The following CDKN2A variants were observed in gnomAD, a reference collection of about 807,000 sequenced individuals.
CDKN2A encodes cyclin dependent kinase inhibitor 2A.
CDKN2A carries 3 observed loss-of-function variants against 11.1 expected under a neutral mutation model. The observed-to-expected ratio is 0.27, with a 90% CI of 0.12 to 0.70. CDKN2A has a LOEUF of 0.70. Among genes scored for constraint, CDKN2A ranks in the 30% least tolerant of loss-of-function variants. The pLI is 0.77. For synonymous variants in CDKN2A, 122 were observed against 108.1 expected, an observed-to-expected ratio of 1.13 and a Z score of -0.80; for missense variants, 265 against 233.6, an observed-to-expected ratio of 1.13 and a Z score of -0.88.
At chr9:21,993,490 A>T (rs1161218697) in intron 2 of CDKN2A, among the ~76,000 whole-genome samples, 1 of 152,072 alleles carries the variant, frequency 6.6e-6, no homozygotes, top group African/African-American at 2.4e-5. Flanking sequence ...AGTTTCAATC[A>T]CTCAGGCCGC....
rs755797513 is a variant in CDKN2A at position 21,971,224 on chromosome 9, G to A, written c.151-16C>T. On this transcript the variant is annotated splice_polypyrimidine_tract_variant and intron_variant, in intron 1 of 2. Coordinates refer to ENST00000304494, the MANE Select transcript of CDKN2A (RefSeq NM_000077.5). ...TCATCATGACCTGCCAGAGAGAACAGAATGGTCAGAGCCAGGGTGGGGGCC... is the reference window on the plus strand; with the variant it reads ...TCATCATGACCTGCCAGAGAGAACAAAATGGTCAGAGCCAGGGTGGGGGCC... The A allele has an allele frequency of 6.3e-7, 1 of 1,594,930 alleles. No homozygotes were observed. Among genetic ancestry groups the A allele is most frequent in the South Asian group, 1.1e-5 (1 of 90,446 alleles).
upstream of CDKN2A, among the ~76,000 whole-genome samples, chr9:21,976,020 C>T (rs1472482184): frequency 2.0e-5 from 3 of 152,154 alleles, no homozygotes; most frequent in South Asian, 4.2e-4. Context: ...TAAGCTAATA[C>T]CTGTTAGCTC....
In CDKN2A at chr9:21,968,153, C is replaced by T. The variant is rs181022755; in HGVS notation, c.*76G>A. On this transcript the variant is annotated 3_prime_UTR_variant, in exon 3 of 3. Coordinates refer to ENST00000304494, the MANE Select transcript of CDKN2A (RefSeq NM_000077.5). This position sits in a 1 kb window ranked among gnomAD's most constrained non-coding sequence, Gnocchi z 4.7. ...AAAGCGGGGTGGGTTGTGGCGGGGG[C>T]AGTTGTGGCCCTGTAGGACCTTCGG... The T allele has an allele frequency of 1.3e-4, 158 of 1,216,412 alleles. 1 individual carries two copies. The South Asian group carries it at 1.9e-3, about 15-fold the overall frequency. The allele number at this position is 1,216,412 out of a possible 1,614,324, so 75.4% of individuals were successfully genotyped here.
intron 1 of CDKN2A, among the ~76,000 whole-genome samples, chr9:21,971,789 C>A (rs1423768936): frequency 6.6e-6 from 1 of 151,774 alleles, no homozygotes; most frequent in Non-Finnish European, 1.5e-5. Flanking sequence ...TTATGTGGTA[C>A]AATATGAAGT....
chr9:21,970,918 G>T lies in CDKN2A; in HGVS notation c.441C>A (p.Ala147=), dbSNP rs1057524065. The stretch of plus-strand genomic sequence containing the variant: ...AGTCCTCACCTGAGGGACCTTCCGC[G>T]GCATCTATGCGGGCATGGTTACTGC... ...TRGSNHARID[A]AEGPSDIPD Residue 147 remains alanine, a synonymous_variant, in exon 2 of 3, where the codon GCC becomes GCA. Transcript: ENST00000304494. 2.5e-6 allele frequency: 4 copies of T among 1,612,242 alleles called. No individual in the cohort carries two copies. Among genetic ancestry groups the T allele is most frequent in the South Asian group, 1.1e-5 (1 of 91,058 alleles).
At chr9:21,986,906 T>C (rs1352379461) in intron 2 of CDKN2A, among the ~76,000 whole-genome samples, 1 of 152,074 alleles carries the variant, frequency 6.6e-6, no homozygotes, top group Non-Finnish European at 1.5e-5. Flanking sequence ...AGACAGCTGC[T>C]GTTTCTTTAA....
chr9:21,969,666 A>G (rs1819600918), intron 2 of CDKN2A: 2 of 398,178 alleles, frequency 5.0e-6, no homozygotes, highest in Non-Finnish European at 8.9e-6. Flanking sequence ...TTGGCTCCTC[A>G]GGCTTTTTGC....
chr9:21,993,929 GA>G, exon 2 of CDKN2A: 1 of 622,722 alleles, frequency 1.6e-6, no homozygotes, highest in South Asian at 1.9e-5. Flanking sequence ...AGTTTCCCAC[GA>G]TTGAGGGGCT....
At chr9:21,990,113 C>A (rs1820392536) in intron 2 of CDKN2A, among the ~76,000 whole-genome samples, 1 of 152,002 alleles carries the variant, frequency 6.6e-6, no homozygotes. Context: ...GGCGGCGAGA[C>A]CTGCCTGAAA....
intron 2 of CDKN2A, chr9:21,993,815 GT>G (rs1563902176): frequency 4.7e-5 from 21 of 451,346 alleles, no homozygotes; most frequent in Non-Finnish European, 8.2e-5. Context: ...GTGTGTGTGT[GT>G]GTGTGTGTGT....
At chr9:21,985,187 CCA>C (rs1317318085) in intron 2 of CDKN2A, among the ~76,000 whole-genome samples, 1 of 151,824 alleles carries the variant, frequency 6.6e-6, no homozygotes, top group Non-Finnish European at 1.5e-5. Flanking sequence ...ATGATAACTT[CCA>C]TAATTAATTT....
upstream of CDKN2A, among the ~76,000 whole-genome samples, chr9:21,975,550 G>T (rs904589330): frequency 1.3e-5 from 2 of 152,028 alleles, no homozygotes; most frequent in Non-Finnish European, 2.9e-5. Context: ...TTGGAGAGTC[G>T]GACTGCTCTC....
chr9:21,971,245 G>C (rs2131097227), intron 1 of CDKN2A, 37 bp from the exon 2 acceptor site: 2 of 1,582,908 alleles, frequency 1.3e-6, no homozygotes, highest in Non-Finnish European at 1.7e-6. Context: ...GCCAGGGTGG[G>C]GGCCGGCATG....
Position 21,968,176 on chromosome 9 carries a change from C to G in CDKN2A, c.*53G>C, listed in dbSNP as rs550096146. 1 of 1,567,940 alleles carries G rather than the reference C, an allele frequency of 6.4e-7. No individual in the cohort carries two copies. Among genetic ancestry groups the G allele is most frequent in the Non-Finnish European group, 8.8e-7 (1 of 1,138,644 alleles). On this transcript the variant is annotated 3_prime_UTR_variant, in exon 3 of 3. Transcript: ENST00000304494. This position sits in a 1 kb window ranked among gnomAD's most constrained non-coding sequence, Gnocchi z 4.7. Reference sequence around the variant, plus strand: ...GGCAGTTGTGGCCCTGTAGGACCTTCGGTGACTGATGATCTAAGTTTCCCG... The same window carrying G: ...GGCAGTTGTGGCCCTGTAGGACCTTGGGTGACTGATGATCTAAGTTTCCCG...
intron 2 of CDKN2A, among the ~76,000 whole-genome samples, chr9:21,992,823 C>T (rs565530741): frequency 9.0e-4 from 137 of 151,774 alleles, no homozygotes; most frequent in African/African-American, 3.1e-3. Flanking sequence ...TTTGCTGATA[C>T]GGATAAACCA....
At position 21,974,374 on chromosome 9, in the gene CDKN2A, C is replaced by T. The variant is rs1819921390; in HGVS notation, c.150+304G>A. On this transcript the variant is annotated intron_variant, in intron 1 of 2. Coordinates refer to ENST00000304494, the MANE Select transcript of CDKN2A (RefSeq NM_000077.5). The surrounding 1 kb of genome is among the most constrained non-coding windows in gnomAD (Gnocchi z 5.2). ...AGACTCCCTTTTTATCCCAAACGTT[C>T]GTAAATTTTGTATCTGATAAAGAGC... 1 of 1,541,526 alleles carries T rather than the reference C, an allele frequency of 6.5e-7. No homozygotes were observed. Among genetic ancestry groups the T allele is most frequent in the Non-Finnish European group, 8.8e-7 (1 of 1,139,658 alleles).
intron 2 of CDKN2A, chr9:21,970,441 G>C (rs1033694589): frequency 2.8e-6 from 1 of 357,586 alleles, no homozygotes; most frequent in Non-Finnish European, 5.1e-6. Context: ...AGCCGAGATC[G>C]AGAGATCTCC....
intron 2 of CDKN2A, among the ~76,000 whole-genome samples, chr9:21,984,832 T>G (rs1194788725): frequency 2.0e-5 from 3 of 151,990 alleles, no homozygotes; most frequent in Non-Finnish European, 4.4e-5. Context: ...CTTGCTTTCT[T>G]GGGACTCTAT....
chr9:21,971,884 T>G (rs1357482093), intron 1 of CDKN2A, among the ~76,000 whole-genome samples: 1 of 152,142 alleles, frequency 6.6e-6, no homozygotes, highest in Admixed American at 6.5e-5. Context: ...TTTTGTCAAA[T>G]GAGAGCATTT....
Sources: allele counts gnomAD v4.1 joint callset (sites outside exome capture counted in the v4.1 genomes callset), GRCh38; gene constraint gnomAD v4.1.1; non-coding constraint Gnocchi (gnomAD v3.1); transcripts MANE v1.5; gene names NCBI Gene and HGNC (gene_info 2026-07-23, HGNC 2026-07-21).